CMIP: variants seen among roughly 807,000 people sequenced by gnomAD.
CMIP encodes the protein C-Maf-inducing protein.
A neutral mutation model predicts 97.3 loss-of-function variants in CMIP; 13 were observed. The ratio of observed to expected loss-of-function variants is 0.13; its 90% confidence interval spans 0.09 to 0.21. CMIP has a LOEUF of 0.21. Ranked by LOEUF, CMIP falls within the 10% of genes least tolerant of loss-of-function variation. The pLI is 1.00. For synonymous variants in CMIP, 538 were observed against 436.3 expected, an observed-to-expected ratio of 1.23 and a Z score of -2.91; for missense variants, 847 against 1,024.9, an observed-to-expected ratio of 0.83 and a Z score of 2.37.
rs949251758 is a variant in CMIP at position 81,526,022 on chromosome 16, G to T, written c.300+80481G>T. Among the ~76,000 whole-genome samples, 49 of 151,016 alleles carry T rather than the reference G, an allele frequency of 3.2e-4. 2 individuals carry two copies. The East Asian group carries it at 6.8e-3, about 21-fold the overall frequency. ...TGTGTGTGTGTCTGTGTGTGTGTGT[G>T]TGTTCGTCCATTCAGTTTGTCCGTT... On this transcript the variant is annotated intron_variant, in intron 1 of 20. Transcript: ENST00000537098.
chr16:81,576,063 C>T (rs1398914236), intron 1 of CMIP, among the ~76,000 whole-genome samples: 1 of 152,186 alleles, frequency 6.6e-6, no homozygotes, highest in African/African-American at 2.4e-5. Flanking sequence ...ATCACCAGAT[C>T]TGAGATATCT....
intron 1 of CMIP, among the ~76,000 whole-genome samples, chr16:81,588,872 C>T (rs1289182771): frequency 6.6e-6 from 1 of 152,014 alleles, no homozygotes; most frequent in Non-Finnish European, 1.5e-5. Context: ...CTCTATCACT[C>T]CCATTTCACA....
At chr16:81,571,680 G>A (rs1044809882) in intron 1 of CMIP, among the ~76,000 whole-genome samples, 8 of 151,574 alleles carry the variant, frequency 5.3e-5, no homozygotes, top group Admixed American at 1.3e-4. Flanking sequence ...TGGTACAGAC[G>A]AGCAAGCGGT....
At position 81,648,923 on chromosome 16, in the gene CMIP, C is replaced by G. The variant is rs140461133; in HGVS notation, c.478-3280C>G. Among the ~76,000 whole-genome samples the G allele has an allele frequency of 2.3e-3, 346 of 151,730 alleles. 2 individuals carry two copies. The highest frequency in any genetic ancestry group is 7.9e-3 in the African/African-American group (325 of 41,378). On this transcript the variant is annotated intron_variant, in intron 3 of 20. Coordinates refer to ENST00000537098, the MANE Select transcript of CMIP (RefSeq NM_198390.3). The stretch of plus-strand genomic sequence containing the variant: ...CTGCACTGTCCCCTAGAGCCCCCAG[C>G]AGGAGTGAGCCCTCATTGCCTATAT...
At chr16:81,500,165 T>G (rs2089570844) in intron 1 of CMIP, among the ~76,000 whole-genome samples, 1 of 152,184 alleles carries the variant, frequency 6.6e-6, no homozygotes. Flanking sequence ...CAGTCCTGCC[T>G]GAGCATCGGT....
chr16:81,448,642 C>T (rs1020215041), intron 1 of CMIP, among the ~76,000 whole-genome samples: 52 of 152,252 alleles, frequency 3.4e-4, no homozygotes, highest in African/African-American at 1.3e-3. Context: ...TAAATCCTTG[C>T]AGAGCCAACA....
chr16:81,563,803 C>T (rs2090930442), intron 1 of CMIP, among the ~76,000 whole-genome samples: 1 of 152,200 alleles, frequency 6.6e-6, no homozygotes. Flanking sequence ...AAGCTTCTGC[C>T]TTTTAGCCCT....
intron 10 of CMIP, among the ~76,000 whole-genome samples, chr16:81,680,417 A>G (rs954207749): frequency 2.6e-5 from 4 of 152,208 alleles, no homozygotes; most frequent in African/African-American, 9.6e-5. Context: ...GAAGGTGAAC[A>G]TGCGCACACA....
chr16:81,613,446 C>T (rs774110621), intron 2 of CMIP, among the ~76,000 whole-genome samples: 2 of 152,336 alleles, frequency 1.3e-5, no homozygotes, highest in Admixed American at 1.3e-4. Context: ...TAGACTCTAA[C>T]TAGCCATGGA....
chr16:81,684,230 C>T lies in CMIP; in HGVS notation c.1388+5602C>T, dbSNP rs141244237. On this transcript the variant is annotated intron_variant, in intron 10 of 20. Transcript: ENST00000537098. ...GAATTTTCCTGAGGTCCTCCGGCCTCGCGGGTAACAGCCACTGTTTCTCAG... is the reference window on the plus strand; with the variant it reads ...GAATTTTCCTGAGGTCCTCCGGCCTTGCGGGTAACAGCCACTGTTTCTCAG... Among the ~76,000 whole-genome samples the T allele has an allele frequency of 4.9e-4, 74 of 152,370 alleles. No individual in the cohort carries two copies. The East Asian group carries it at 9.6e-3, about 20-fold the overall frequency.
chr16:81,660,343 G>A (rs1285959619), intron 5 of CMIP, among the ~76,000 whole-genome samples: 3 of 151,364 alleles, frequency 2.0e-5, no homozygotes, highest in African/African-American at 7.3e-5. Flanking sequence ...GCAGGAACTC[G>A]GCTCACTGCA....
chr16:81,467,175 G>T (rs1209159919), intron 1 of CMIP, among the ~76,000 whole-genome samples: 2 of 152,190 alleles, frequency 1.3e-5, no homozygotes, highest in Non-Finnish European at 2.9e-5. Context: ...TGGGCTGGAC[G>T]TGGACCCATG....
At chr16:81,696,842 C>T in intron 14 of CMIP, 175 bp downstream of exon 14, 1 of 633,108 alleles carries the variant, frequency 1.6e-6, no homozygotes, top group Non-Finnish European at 2.7e-6. Flanking sequence ...GTGACTGTCA[C>T]TTACTCATTT....
In CMIP at chr16:81,709,982, C is replaced by G; in HGVS notation, c.*183C>G. 1 of 607,402 alleles carries G rather than the reference C, an allele frequency of 1.6e-6. No individual in the cohort carries two copies. Among genetic ancestry groups the G allele is most frequent in the Non-Finnish European group, 2.9e-6 (1 of 344,136 alleles). The allele number at this position is 607,402 out of a possible 1,614,324, so 37.6% of individuals were successfully genotyped here. A position where few individuals can be genotyped will look rare whatever the true frequency, so the allele number is the denominator to read the frequency against. ...GGGGCCCACAAGCACGCCCAGCCCC[C>G]GCCGAATTCTTTTAGCTTCGTAATT... On this transcript the variant is annotated 3_prime_UTR_variant, in exon 21 of 21. Transcript: ENST00000537098.
At chr16:81,637,980 C>T (rs1411124514) in intron 3 of CMIP, among the ~76,000 whole-genome samples, 1 of 152,170 alleles carries the variant, frequency 6.6e-6, no homozygotes, top group East Asian at 1.9e-4. Flanking sequence ...TTGGTGAGGG[C>T]TCCACCCTCA....
intron 1 of CMIP, among the ~76,000 whole-genome samples, chr16:81,591,306 C>T (rs1016283668): frequency 3.3e-5 from 5 of 152,162 alleles, no homozygotes; most frequent in African/African-American, 1.2e-4. Context: ...TCACATTACT[C>T]TGGACACCAG....
chr16:81,452,611 A>G (rs1166320135), intron 1 of CMIP, among the ~76,000 whole-genome samples: 4 of 152,160 alleles, frequency 2.6e-5, no homozygotes, highest in Non-Finnish European at 5.9e-5. Flanking sequence ...TCCAGGGGGA[A>G]GAGCGTTCCA....
At chr16:81,502,948 C>T (rs1378746986) in intron 1 of CMIP, among the ~76,000 whole-genome samples, 1 of 152,184 alleles carries the variant, frequency 6.6e-6, no homozygotes, top group African/African-American at 2.4e-5. Context: ...GCATCCATCA[C>T]GCCCTGTCTC....
At chr16:81,552,360 A>G (rs1386625495) in intron 1 of CMIP, among the ~76,000 whole-genome samples, 1 of 152,166 alleles carries the variant, frequency 6.6e-6, no homozygotes, top group African/African-American at 2.4e-5. Context: ...CCAGTGGCTG[A>G]AAACCACACA....
Sources: allele counts gnomAD v4.1 joint callset (sites outside exome capture counted in the v4.1 genomes callset), GRCh38; gene constraint gnomAD v4.1.1; transcripts MANE v1.5; gene names NCBI Gene and HGNC (gene_info 2026-07-23, HGNC 2026-07-21).